Variants in DAAM1 observed in about 807,000 individuals in gnomAD.
DAAM1 encodes the protein dishevelled associated activator of morphogenesis 1, also known as disheveled-associated activator of morphogenesis 1.
DAAM1 carries 52 observed loss-of-function variants against 130.0 expected under a neutral mutation model. The ratio of observed to expected loss-of-function variants is 0.40; its 90% CI spans 0.32 to 0.50. The LOEUF is 0.50. Among genes scored for constraint, DAAM1 ranks in the 20% least tolerant of loss-of-function variants. The pLI, the probability that DAAM1 is intolerant of heterozygous loss-of-function variation, is 0.61. For missense variants in DAAM1, 1,134 were observed against 1,303.8 expected (o/e 0.87, Z 2.01); for synonymous variants, 452 against 444.5 (o/e 1.02, Z -0.21).
intron 2 of DAAM1, among the ~76,000 whole-genome samples, 166 bp from the exon 3 acceptor site, chr14:59,291,051 T>G (rs958300896): frequency 6.6e-6 from 1 of 152,180 alleles, no homozygotes; most frequent in Non-Finnish European, 1.5e-5. Context: ...GGACATGCTT[T>G]CTTCTTGATG....
At chr14:59,322,315 C>T (rs189141349) in intron 5 of DAAM1, among the ~76,000 whole-genome samples, 1 of 151,840 alleles carries the variant, frequency 6.6e-6, no homozygotes, top group African/African-American at 2.4e-5. Flanking sequence ...AGTTCAAGAC[C>T]AGTCTGGGCA....
At chr14:59,313,426 A>G (rs772001431) in intron 3 of DAAM1, among the ~76,000 whole-genome samples, 1 of 152,236 alleles carries the variant, frequency 6.6e-6, no homozygotes, top group African/African-American at 2.4e-5. Context: ...CTGTTAATCT[A>G]TTCGCATTAT....
chr14:59,232,633 C>CTTTTTTTTTTTTTTTTTTTTT (rs199972715), intron 1 of DAAM1, among the ~76,000 whole-genome samples: 1 of 146,694 alleles, frequency 6.8e-6, no homozygotes, highest in Non-Finnish European at 1.5e-5. Context: ...AAAATTTTCT[C>CTTTTTTTTTTTTTTTTTTTTT]TTTTTTTTTT....
intron 2 of DAAM1, among the ~76,000 whole-genome samples, chr14:59,290,968 C>G (rs923351023): frequency 3.4e-5 from 5 of 146,340 alleles, no homozygotes; most frequent in African/African-American, 1.2e-4. Context: ...TTGGTCCACT[C>G]TCCCCTGACC....
In DAAM1 at chr14:59,352,762, CT is replaced by C. The variant is rs1016947934; in HGVS notation, c.2267+132del. 33 of 768,584 alleles carry C rather than the reference CT, an allele frequency of 4.3e-5. No individual in the cohort carries two copies. The African/African-American group carries it at 5.6e-4, about 13-fold the overall frequency. 47.6% of individuals were successfully genotyped at this position (768,584 alleles called of 1,614,324 possible). A position where few individuals can be genotyped will look rare whatever the true frequency, so the allele number is the denominator to read the frequency against. ...TTGAAAGCTTTTTCATTCTAAAAAT[CT>C]TCTCAAGTCTGAGTGATGTGGAATT... On this transcript the variant is annotated intron_variant, in intron 18 of 24. Coordinates refer to ENST00000360909, the MANE Select transcript of DAAM1 (RefSeq NM_001270520.2).
rs1489291906 is a variant in DAAM1 at position 59,369,783 on chromosome 14, G to C, written c.*924G>C. ...AAAAAAAAAAAAAAAAAAAATTAAT[G>C]GGGTGCCTTTTTGTTATAGTTTCTA... is the stretch of plus-strand genomic sequence containing the variant. On this transcript the variant is annotated 3_prime_UTR_variant, in exon 25 of 25. Transcript: ENST00000360909. The C allele has an allele frequency of 7.5e-6, 1 of 132,882 alleles. No homozygotes were observed. The highest frequency in any genetic ancestry group is 1.6e-5 in the Non-Finnish European group (1 of 62,800). 8.2% of individuals were successfully genotyped at this position (132,882 alleles called of 1,614,324 possible). A position where few individuals can be genotyped will look rare whatever the true frequency, so the allele number is the denominator to read the frequency against.
At chr14:59,293,874 A>G (rs944256778) in intron 3 of DAAM1, among the ~76,000 whole-genome samples, 1 of 152,192 alleles carries the variant, frequency 6.6e-6, no homozygotes, top group Admixed American at 6.5e-5. Flanking sequence ...CTTGAAGGAC[A>G]GGTTGCCCAT....
At chr14:59,219,045 G>A (rs1183517115) in intron 1 of DAAM1, among the ~76,000 whole-genome samples, 1 of 152,180 alleles carries the variant, frequency 6.6e-6, no homozygotes, top group African/African-American at 2.4e-5. Context: ...ACCCTTTCTA[G>A]TTTATGTGAG....
At position 59,354,296 on chromosome 14, in the gene DAAM1, G is replaced by C. The variant is rs553411523; in HGVS notation, c.2356+332G>C. On this transcript the variant is annotated intron_variant, in intron 19 of 24. Coordinates refer to ENST00000360909, the MANE Select transcript of DAAM1 (RefSeq NM_001270520.2). ...AGGATGGTCTCAATCTCCTGACCTC[G>C]TGATCTGCCCACCTTGGCCTCCCAA... Among the ~76,000 whole-genome samples, 94 of 152,254 alleles carry C rather than the reference G, an allele frequency of 6.2e-4. 1 individual carries two copies. The highest frequency in any genetic ancestry group is 1.5e-3 in the East Asian group (8 of 5,176).
Position 59,259,336 on chromosome 14 carries a change from A to G in DAAM1, c.-37-4105A>G, listed in dbSNP as rs929289117. Among the ~76,000 whole-genome samples the G allele has an allele frequency of 1.9e-4, 29 of 152,368 alleles. 1 individual carries two copies. The highest frequency in any genetic ancestry group is 1.1e-3 in the Admixed American group (17 of 15,308). On this transcript the variant is annotated intron_variant, in intron 1 of 24. Coordinates refer to ENST00000360909, the MANE Select transcript of DAAM1 (RefSeq NM_001270520.2). ...TGCTAAGAGAGCCCAGACCATATCT[A>G]GTTAGGCAGATTAACAAGACTGCCT... is the stretch of plus-strand genomic sequence containing the variant.
intron 1 of DAAM1, among the ~76,000 whole-genome samples, chr14:59,222,497 T>C (rs570857990): frequency 3.2e-4 from 49 of 152,294 alleles, no homozygotes; most frequent in African/African-American, 1.1e-3. Context: ...TGCTGGCAGA[T>C]TGGGCACTCA....
intron 1 of DAAM1, among the ~76,000 whole-genome samples, chr14:59,217,647 G>A (rs1888627440): frequency 6.6e-6 from 1 of 151,774 alleles, no homozygotes; most frequent in Non-Finnish European, 1.5e-5. Flanking sequence ...GGCCAACCTG[G>A]GCAAAATAGT....
intron 2 of DAAM1, among the ~76,000 whole-genome samples, chr14:59,286,611 C>T (rs34529198): frequency 6.6e-6 from 1 of 151,594 alleles, no homozygotes; most frequent in Non-Finnish European, 1.5e-5. Flanking sequence ...TACAACTGAC[C>T]CCACGGAAAC....
intron 12 of DAAM1, among the ~76,000 whole-genome samples, chr14:59,329,026 A>G (rs1212742468): frequency 6.6e-6 from 1 of 152,212 alleles, no homozygotes; most frequent in Non-Finnish European, 1.5e-5. Context: ...TCTTTAGGGC[A>G]GCACACCCAG....
chr14:59,367,680 T>G, intron 24 of DAAM1, 81 bp downstream of exon 24: 1 of 1,489,544 alleles, frequency 6.7e-7, no homozygotes, highest in South Asian at 1.4e-5. Context: ...TAGAGAGCAC[T>G]CTGACCTGGC....
At chr14:59,220,104 G>A (rs1888723513) in intron 1 of DAAM1, among the ~76,000 whole-genome samples, 1 of 151,998 alleles carries the variant, frequency 6.6e-6, no homozygotes, top group African/African-American at 2.4e-5. Flanking sequence ...TTGATTTTAA[G>A]CATTTGACCA....
intron 15 of DAAM1, among the ~76,000 whole-genome samples, chr14:59,339,102 T>TA (rs928245673): frequency 6.6e-6 from 1 of 152,222 alleles, no homozygotes; most frequent in African/African-American, 2.4e-5. Context: ...TTTTAGAACT[T>TA]AAACAGACTT....
chr14:59,202,675 C>T (rs991190623), intron 1 of DAAM1, among the ~76,000 whole-genome samples: 2 of 152,156 alleles, frequency 1.3e-5, no homozygotes, highest in African/African-American at 4.8e-5. Context: ...ATAAACATTA[C>T]CTGTGCAATA....
At chr14:59,200,276 A>G (rs1332652633) in intron 1 of DAAM1, among the ~76,000 whole-genome samples, 1 of 152,122 alleles carries the variant, frequency 6.6e-6, no homozygotes, top group African/African-American at 2.4e-5. Context: ...GTAGCTCAGT[A>G]ATGCTATCTG....
Sources: gnomAD v4.1 joint callset for allele counts (sites outside exome capture counted in the v4.1 genomes callset) on GRCh38, gnomAD v4.1.1 for gene constraint, MANE v1.5 for transcripts, NCBI Gene and HGNC (gene_info 2026-07-23, HGNC 2026-07-21) for gene names.